The following CPQ variants were observed in gnomAD, a reference collection of about 807,000 sequenced individuals.
The protein encoded by CPQ is carboxypeptidase Q.
CPQ carries 37 observed loss-of-function variants against 45.7 expected under a neutral mutation model. The observed-to-expected ratio is 0.81, with a 90% CI of 0.62 to 1.07. CPQ has a LOEUF of 1.07. Among genes scored for constraint, CPQ ranks in the 50% least tolerant of loss-of-function variants. CPQ has a pLI of 0.00. For synonymous variants in CPQ, 186 were observed against 205.8 expected (o/e 0.90, Z 0.82); for missense variants, 537 against 572.9 (o/e 0.94, Z 0.64).
intron 2 of CPQ, among the ~76,000 whole-genome samples, chr8:96,802,956 G>A (rs1441893307): frequency 6.6e-6 from 1 of 151,342 alleles, no homozygotes; most frequent in Non-Finnish European, 1.5e-5. Context: ...TTTCATCCTT[G>A]TATTAATCAA....
At chr8:96,893,650 A>C (rs905645407) in intron 4 of CPQ, among the ~76,000 whole-genome samples, 4 of 152,230 alleles carry the variant, frequency 2.6e-5, no homozygotes, top group African/African-American at 9.6e-5. Flanking sequence ...TCAGGCACAC[A>C]CCAAAATAAG....
intron 5 of CPQ, among the ~76,000 whole-genome samples, chr8:97,005,846 C>A (rs1329417539): frequency 1.3e-5 from 2 of 152,138 alleles, no homozygotes; most frequent in Non-Finnish European, 1.5e-5. Flanking sequence ...TCGTTCAAGG[C>A]TAATCTTCCC....
At chr8:96,780,422 C>T (rs1041312988) in intron 1 of CPQ, among the ~76,000 whole-genome samples, 3 of 152,140 alleles carry the variant, frequency 2.0e-5, no homozygotes, top group South Asian at 2.1e-4. Flanking sequence ...AGAGCCTGTG[C>T]GTTTGAAGAA....
At chr8:97,039,963 A>G in intron 6 of CPQ, among the ~76,000 whole-genome samples, 1 of 152,084 alleles carries the variant, frequency 6.6e-6, no homozygotes, top group East Asian at 1.9e-4. Flanking sequence ...GTGTCTTTAT[A>G]GCAGCATGAT....
At chr8:96,733,840 G>A (rs1489095960) in intron 1 of CPQ, among the ~76,000 whole-genome samples, 1 of 152,090 alleles carries the variant, frequency 6.6e-6, no homozygotes, top group African/African-American at 2.4e-5. Flanking sequence ...AGCTGAGTGT[G>A]GCTACCATAT....
intron 7 of CPQ, among the ~76,000 whole-genome samples, chr8:97,137,097 A>G (rs928069102): frequency 7.9e-5 from 12 of 152,040 alleles, no homozygotes; most frequent in Non-Finnish European, 1.5e-4. Flanking sequence ...CACGTTTTGG[A>G]GTTGTTTTAG....
rs1003945277 is a variant in CPQ at position 97,120,177 on chromosome 8, A to C, written c.1256-22843A>C. On this transcript the variant is annotated intron_variant, in intron 7 of 7. Coordinates refer to ENST00000220763, the MANE Select transcript of CPQ (RefSeq NM_016134.4). ...AAACCTCTAGGGAGGATCTCCCTAA[A>C]GGAGCAGCTCTTCATGTGGCTGAAA... 5.3e-5 allele frequency among the ~76,000 whole-genome samples: 8 copies of C among 152,316 alleles called. No individual in the cohort carries two copies. The East Asian group carries it at 7.7e-4, about 15-fold the overall frequency.
chr8:96,947,053 G>A (rs1813198866), intron 4 of CPQ, among the ~76,000 whole-genome samples: 1 of 152,160 alleles, frequency 6.6e-6, no homozygotes, highest in Admixed American at 6.5e-5. Context: ...GTTCATTGCT[G>A]TATCCCCAGT....
At chr8:96,916,172 A>G (rs555655491) in intron 4 of CPQ, among the ~76,000 whole-genome samples, 4 of 152,182 alleles carry the variant, frequency 2.6e-5, no homozygotes, top group Non-Finnish European at 4.4e-5. Context: ...TTGCCAATAC[A>G]TCTTTTAATT....
At chr8:97,038,406 T>G (rs1490641807) in intron 6 of CPQ, among the ~76,000 whole-genome samples, 1 of 152,178 alleles carries the variant, frequency 6.6e-6, no homozygotes, top group Non-Finnish European at 1.5e-5. Flanking sequence ...AACCAGGTCA[T>G]GACCTGACCC....
chr8:97,072,465 G>T (rs1160633871), intron 7 of CPQ, among the ~76,000 whole-genome samples: 1 of 151,946 alleles, frequency 6.6e-6, no homozygotes, highest in Non-Finnish European at 1.5e-5. Context: ...CCTCAATAAC[G>T]TATGGAAACA....
intron 6 of CPQ, among the ~76,000 whole-genome samples, chr8:97,046,833 T>A (rs1810266179): frequency 6.6e-6 from 1 of 152,148 alleles, no homozygotes; most frequent in South Asian, 2.1e-4. Context: ...CAGAGCCAAA[T>A]GAGAGGCAAT....
At chr8:97,123,204 T>TAAA (rs1229598077) in intron 7 of CPQ, among the ~76,000 whole-genome samples, 1 of 42,660 alleles carries the variant, frequency 2.3e-5, no homozygotes, top group Non-Finnish European at 5.7e-5. Flanking sequence ...TAAAATAAAA[T>TAAA]AAAAAATAAA....
chr8:96,702,313 TA>T (rs1433758731), intron 1 of CPQ, among the ~76,000 whole-genome samples: 6 of 152,036 alleles, frequency 3.9e-5, no homozygotes, highest in Non-Finnish European at 8.8e-5. Context: ...GATCTTCCAA[TA>T]TCCCGTGTGG....
chr8:96,932,946 C>T (rs1343197072), intron 4 of CPQ, among the ~76,000 whole-genome samples: 2 of 152,080 alleles, frequency 1.3e-5, no homozygotes, highest in Non-Finnish European at 2.9e-5. Context: ...AAGTTCTTTC[C>T]TAAAATACTC....
intron 7 of CPQ, among the ~76,000 whole-genome samples, chr8:97,069,129 A>C (rs1469946947): frequency 6.6e-6 from 1 of 152,214 alleles, no homozygotes; most frequent in African/African-American, 2.4e-5. Context: ...AAGATCAGAA[A>C]GGTTTACATA....
intron 3 of CPQ, among the ~76,000 whole-genome samples, chr8:96,866,483 G>C (rs1250176634): frequency 6.6e-6 from 1 of 152,002 alleles, no homozygotes; most frequent in Non-Finnish European, 1.5e-5. Context: ...ATATTTAAAA[G>C]CAGAAATTAT....
At chr8:96,978,412 G>C (rs1005749374) in intron 5 of CPQ, among the ~76,000 whole-genome samples, 1 of 152,170 alleles carries the variant, frequency 6.6e-6, no homozygotes, top group South Asian at 2.1e-4. Flanking sequence ...TCTGGATTTG[G>C]TATGAGAGAT....
chr8:97,140,001 CA>C (rs1006040823), intron 7 of CPQ, among the ~76,000 whole-genome samples: 50 of 140,854 alleles, frequency 3.5e-4, no homozygotes, highest in African/African-American at 1.3e-3. Flanking sequence ...TGACAAACTG[CA>C]AGCAAGATTT....
Sources: allele counts gnomAD v4.1 joint callset (sites outside exome capture counted in the v4.1 genomes callset), GRCh38; gene constraint gnomAD v4.1.1; transcripts MANE v1.5; gene names NCBI Gene and HGNC (gene_info 2026-07-23, HGNC 2026-07-21).